Variants in SCAMP1 observed in about 807,000 individuals in gnomAD.
SCAMP1 encodes the protein secretory carrier membrane protein 1, also known as secretory carrier-associated membrane protein 1.
In SCAMP1, 15 loss-of-function variants were observed where a neutral mutation model predicts 41.8. The observed-to-expected ratio is 0.36, with a 90% CI of 0.24 to 0.55. The LOEUF is 0.55. SCAMP1 is among the 20% of genes least tolerant of loss of function. SCAMP1 has a pLI of 0.86. For synonymous variants in SCAMP1, 135 were observed against 136.8 expected, an observed-to-expected ratio of 0.99 and a Z score of 0.09; for missense variants, 341 against 412.6, an observed-to-expected ratio of 0.83 and a Z score of 1.50.
intron 1 of SCAMP1, among the ~76,000 whole-genome samples, chr5:78,370,980 CTGTT>C (rs1393446837): frequency 2.6e-5 from 4 of 151,936 alleles, no homozygotes; most frequent in Admixed American, 6.6e-5. Context: ...TCTTTGATGT[CTGTT>C]CAGATCCTTT....
chr5:78,429,728 C>A (rs1752556382), intron 6 of SCAMP1, among the ~76,000 whole-genome samples: 1 of 152,046 alleles, frequency 6.6e-6, no homozygotes, highest in African/African-American at 2.4e-5. Context: ...ATGTTGTGTG[C>A]CTTTGGACAG....
intron 1 of SCAMP1, among the ~76,000 whole-genome samples, chr5:78,369,389 G>A (rs1750885226): frequency 6.6e-6 from 1 of 152,142 alleles, no homozygotes; most frequent in African/African-American, 2.4e-5. Flanking sequence ...TTACAAGCGT[G>A]AGTCATCGTG....
intron 1 of SCAMP1, among the ~76,000 whole-genome samples, chr5:78,377,875 CTG>C (rs1475517248): frequency 6.6e-6 from 1 of 152,130 alleles, no homozygotes; most frequent in Non-Finnish European, 1.5e-5. Flanking sequence ...GATGAAAAAA[CTG>C]AGGTACAGTG....
At chr5:78,406,389 A>G (rs1255241536) in intron 2 of SCAMP1, among the ~76,000 whole-genome samples, 1 of 152,196 alleles carries the variant, frequency 6.6e-6, no homozygotes, top group Non-Finnish European at 1.5e-5. Context: ...TAGAGATGGA[A>G]GAGAAAGAGC....
intron 4 of SCAMP1, among the ~76,000 whole-genome samples, chr5:78,417,909 C>A (rs548023489): frequency 1.3e-5 from 2 of 152,284 alleles, no homozygotes; most frequent in South Asian, 4.1e-4. Context: ...TTACCCTGGT[C>A]TGGGAAAAGT....
At chr5:78,449,796 C>CT (rs948372444) in intron 6 of SCAMP1, 137 bp from the exon 7 acceptor site, 34 of 545,180 alleles carry the variant, frequency 6.2e-5, no homozygotes, top group South Asian at 1.4e-4. Flanking sequence ...GTGGTTGCCA[C>CT]TTTTTTTTGT....
intron 6 of SCAMP1, among the ~76,000 whole-genome samples, chr5:78,439,253 CATT>C (rs1362870915): frequency 4.0e-5 from 6 of 151,436 alleles, no homozygotes; most frequent in Non-Finnish European, 8.8e-5. Context: ...TTGATCCTGT[CATT>C]ATGATGTTCG....
chr5:78,418,154 C>T (rs541228931), intron 4 of SCAMP1, among the ~76,000 whole-genome samples: 14 of 152,140 alleles, frequency 9.2e-5, no homozygotes, highest in South Asian at 8.3e-4. Context: ...TATAATTCTT[C>T]AGCTTCCTTA....
At chr5:78,430,308 C>G (rs961883190) in intron 6 of SCAMP1, among the ~76,000 whole-genome samples, 6 of 148,632 alleles carry the variant, frequency 4.0e-5, no homozygotes, top group African/African-American at 1.5e-4. Flanking sequence ...GTATTTACAG[C>G]TGCACTTTCT....
chr5:78,446,687 G>A (rs1365017243), intron 6 of SCAMP1, among the ~76,000 whole-genome samples: 1 of 152,040 alleles, frequency 6.6e-6, no homozygotes, highest in Non-Finnish European at 1.5e-5. Flanking sequence ...TATAAAAATA[G>A]CATTTTATAT....
chr5:78,421,432 C>G (rs11949032), intron 5 of SCAMP1, among the ~76,000 whole-genome samples: 56,281 of 151,884 alleles, frequency 0.37, 12,547 homozygotes, highest in Non-Finnish European at 0.5. Context: ...CTCCTAAGTC[C>G]TGGGTCTTTT....
At chr5:78,411,134 T>C (rs1435895423) in intron 2 of SCAMP1, among the ~76,000 whole-genome samples, 1 of 152,220 alleles carries the variant, frequency 6.6e-6, no homozygotes, top group Non-Finnish European at 1.5e-5. Flanking sequence ...AGAAGCTCTT[T>C]AGTTTAATTA....
chr5:78,423,511 T>G (rs927904172), intron 6 of SCAMP1, among the ~76,000 whole-genome samples: 4 of 152,184 alleles, frequency 2.6e-5, no homozygotes, highest in Non-Finnish European at 5.9e-5. Context: ...TATCGATCTG[T>G]GATGATGCTG....
intron 2 of SCAMP1, among the ~76,000 whole-genome samples, chr5:78,407,909 A>T (rs1321095107): frequency 6.6e-6 from 1 of 152,112 alleles, no homozygotes; most frequent in Non-Finnish European, 1.5e-5. Context: ...TACCCTCTTA[A>T]TTCTTTATTA....
At chr5:78,467,497 T>C (rs1043387202) in intron 8 of SCAMP1, among the ~76,000 whole-genome samples, 1 of 152,210 alleles carries the variant, frequency 6.6e-6, no homozygotes, top group African/African-American at 2.4e-5. Context: ...AGAATGGTGC[T>C]CATATGCCAG....
intron 6 of SCAMP1, among the ~76,000 whole-genome samples, chr5:78,440,492 T>C (rs1297860394): frequency 2.0e-5 from 3 of 152,218 alleles, no homozygotes; most frequent in Admixed American, 6.5e-5. Flanking sequence ...ACTGTTTGCC[T>C]TGGTATCACC....
At chr5:78,377,607 G>A (rs1220914696) in intron 1 of SCAMP1, among the ~76,000 whole-genome samples, 2 of 152,072 alleles carry the variant, frequency 1.3e-5, no homozygotes, top group African/African-American at 4.8e-5. Context: ...AACTGCTTCT[G>A]GTTGCTTTCC....
chr5:78,435,862 T>C (rs1195957305), intron 6 of SCAMP1, among the ~76,000 whole-genome samples: 1 of 152,232 alleles, frequency 6.6e-6, no homozygotes, highest in Non-Finnish European at 1.5e-5. Context: ...AGCTTTCTTA[T>C]TTCTCCACAT....
rs543500081 is a variant in SCAMP1, at chr5:78,438,135, T to C, written c.633-11798T>C. Among the ~76,000 whole-genome samples, 7 of 152,318 alleles carry C rather than the reference T, an allele frequency of 4.6e-5. No individual in the cohort carries two copies. In the South Asian group the frequency reaches 1.4e-3, roughly 32 times the overall value. ...CTTTATCAGTCTTGCTAGCAGTCTG[T>C]CAATTTTGTAGATCTTTTCAAAAAA... On this transcript the variant is annotated intron_variant, in intron 6 of 8. Coordinates refer to ENST00000621999, the MANE Select transcript of SCAMP1 (RefSeq NM_004866.6).
Sources: gnomAD v4.1 joint callset for allele counts (sites outside exome capture counted in the v4.1 genomes callset) on GRCh38, gnomAD v4.1.1 for gene constraint, MANE v1.5 for transcripts, NCBI Gene and HGNC (gene_info 2026-07-23, HGNC 2026-07-21) for gene names.